Variants in PKP4 observed in about 807,000 individuals in gnomAD.
PKP4 encodes the protein plakophilin-4.
A neutral mutation model predicts 145.1 loss-of-function variants in PKP4; 90 were observed. That is an observed-to-expected ratio of 0.62 (90% CI 0.52 to 0.74). The LOEUF is 0.74. Ranked by LOEUF, PKP4 falls within the 30% of genes least tolerant of loss-of-function variation. The probability of loss-of-function intolerance (pLI) is 0.00; values close to 1 mark genes in which losing one functional copy is unlikely to be tolerated. For missense variants in PKP4, 1,340 were observed against 1,482.7 expected (o/e 0.90, Z 1.58); for synonymous variants, 563 against 577.2 (o/e 0.98, Z 0.35).
intron 11 of PKP4, among the ~76,000 whole-genome samples, chr2:158,655,011 T>A (rs1037109914): frequency 6.6e-6 from 1 of 152,146 alleles, no homozygotes; most frequent in African/African-American, 2.4e-5. Flanking sequence ...GTTCATCTTT[T>A]TTTAAAAAAA....
intron 15 of PKP4, 110 bp downstream of exon 15, chr2:158,663,555 C>T: frequency 4.4e-6 from 4 of 911,442 alleles, no homozygotes; most frequent in South Asian, 1.7e-5. Context: ...GTGAAAGGGT[C>T]ACAGCTACTT....
At chr2:158,465,728 A>G (rs1008259116) in intron 1 of PKP4, among the ~76,000 whole-genome samples, 6 of 152,208 alleles carry the variant, frequency 3.9e-5, no homozygotes, top group Non-Finnish European at 5.9e-5. Context: ...TGAATCTCAG[A>G]ATGATGCACT....
intron 11 of PKP4, among the ~76,000 whole-genome samples, chr2:158,647,288 A>T (rs1374572599): frequency 6.6e-6 from 1 of 152,226 alleles, no homozygotes; most frequent in African/African-American, 2.4e-5. Context: ...ACTTAGGATC[A>T]TGAGATGTTA....
At chr2:158,549,397 T>C (rs891242529) in intron 2 of PKP4, among the ~76,000 whole-genome samples, 33 of 152,290 alleles carry the variant, frequency 2.2e-4, no homozygotes, top group African/African-American at 7.5e-4. Flanking sequence ...CCTTTTAAAT[T>C]TTATTTATAA....
Position 158,509,505 on chromosome 2 carries a change from C to T in PKP4, c.-5-23675C>T, listed in dbSNP as rs190616196. Among the ~76,000 whole-genome samples, 623 of 152,236 alleles carry T rather than the reference C, an allele frequency of 4.1e-3. 13 individuals carry two copies. Among genetic ancestry groups the T allele is most frequent in the East Asian group, 1.9e-3 (10 of 5,190 alleles). ...CAGGTGATGTTTCAGTATATTGAGACATAAGACAATCAAGACTTTTTGAGA... is the reference window on the plus strand; with the variant it reads ...CAGGTGATGTTTCAGTATATTGAGATATAAGACAATCAAGACTTTTTGAGA... On this transcript the variant is annotated intron_variant, in intron 1 of 21. Transcript: ENST00000389759.
intron 1 of PKP4, among the ~76,000 whole-genome samples, chr2:158,512,753 TCA>T (rs2105532945): frequency 6.6e-6 from 1 of 152,350 alleles, no homozygotes; most frequent in East Asian, 1.9e-4. Flanking sequence ...CTCCCTAAAG[TCA>T]CATCACAGAA....
chr2:158,650,266 T>C (rs140962965), intron 11 of PKP4, among the ~76,000 whole-genome samples: 42 of 152,342 alleles, frequency 2.8e-4, no homozygotes, highest in African/African-American at 9.9e-4. Context: ...ATTTCTGAAT[T>C]GTAAGCTTAT....
At chr2:158,649,189 T>C (rs2055113545) in intron 11 of PKP4, among the ~76,000 whole-genome samples, 1 of 152,172 alleles carries the variant, frequency 6.6e-6, no homozygotes. Context: ...AGAAATCTCC[T>C]GTCTACCCCT....
chr2:158,616,556 G>A (rs544746432), intron 4 of PKP4, among the ~76,000 whole-genome samples: 10 of 152,266 alleles, frequency 6.6e-5, no homozygotes, highest in Admixed American at 2.6e-4. Context: ...GGAAGAAACC[G>A]TCAAGGAAGA....
At chr2:158,528,663 C>G (rs1487509796) in intron 1 of PKP4, among the ~76,000 whole-genome samples, 9 of 58,102 alleles carry the variant, frequency 1.5e-4, no homozygotes, top group Non-Finnish European at 3.1e-4. Flanking sequence ...AAGAAACTTA[C>G]TAAATGAAAA....
chr2:158,502,910 C>T (rs527869994), intron 1 of PKP4, among the ~76,000 whole-genome samples: 1 of 152,188 alleles, frequency 6.6e-6, no homozygotes, highest in Non-Finnish European at 1.5e-5. Flanking sequence ...GGACACAAAT[C>T]CTCGAGACTT....
At chr2:158,612,206 A>C (rs530187350) in intron 4 of PKP4, among the ~76,000 whole-genome samples, 1 of 152,286 alleles carries the variant, frequency 6.6e-6, no homozygotes, top group African/African-American at 2.4e-5. Context: ...ATGTCTAAGT[A>C]TCCACACACA....
At chr2:158,461,309 G>C (rs985436182) in intron 1 of PKP4, among the ~76,000 whole-genome samples, 5 of 152,220 alleles carry the variant, frequency 3.3e-5, no homozygotes, top group Non-Finnish European at 7.4e-5. Context: ...CTTCATCATT[G>C]ACCTGTTGTT....
chr2:158,648,084 A>G (rs1333312667), intron 11 of PKP4, among the ~76,000 whole-genome samples: 2 of 152,184 alleles, frequency 1.3e-5, no homozygotes, highest in Admixed American at 6.5e-5. Context: ...CCCAACTGTC[A>G]CACTTCTATT....
intron 13 of PKP4, 109 bp from the exon 14 acceptor site, chr2:158,662,788 G>A (rs2056723923): frequency 2.6e-6 from 2 of 765,616 alleles, no homozygotes; most frequent in Non-Finnish European, 4.0e-6. Flanking sequence ...TAAATAAAAA[G>A]TAGTTCTTTC....
chr2:158,652,980 G>C lies in PKP4; in HGVS notation c.1910-5151G>C, dbSNP rs141125722. On this transcript the variant is annotated intron_variant, in intron 11 of 21. Transcript: ENST00000389759. Reference sequence around the variant, plus strand: ...CGACTAAAACCAGAGCACTCAGAGCGAGGTTCACTCAAGAAGGAAAATGCA... The same window carrying C: ...CGACTAAAACCAGAGCACTCAGAGCCAGGTTCACTCAAGAAGGAAAATGCA... Among the ~76,000 whole-genome samples, 44 of 152,320 alleles carry C rather than the reference G, an allele frequency of 2.9e-4. 1 individual carries two copies. The highest frequency in any genetic ancestry group is 1.2e-3 in the Admixed American group (18 of 15,292).
rs2053404213 is a variant in PKP4 at position 158,631,939 on chromosome 2, C to T, written c.1340C>T (p.Ser447Leu). Reference sequence around the variant, plus strand: ...CAGACGGCGTTGTATCGCACAGGTTCAGGTGGGCATCAACTCTGTTTACTG... The same window carrying T: ...CAGACGGCGTTGTATCGCACAGGTTTAGGTGGGCATCAACTCTGTTTACTG... Reference protein sequence around the residue: ...GSQTALYRTGSVGIGNLQRTS... With the variant: ...GSQTALYRTGLVGIGNLQRTS... Residue 447 changes from serine to leucine, a missense_variant and splice_region_variant, in exon 8 of 22, where the codon TCA becomes TTA. Transcript: ENST00000389759. 2.5e-6 allele frequency: 4 copies of T among 1,613,144 alleles called. No homozygotes were observed. The highest frequency in any genetic ancestry group is 1.3e-5 in the African/African-American group (1 of 74,886).
chr2:158,673,746 G>A lies in PKP4; in HGVS notation c.2994G>A (p.Arg998=). 3 of 1,612,098 alleles carry A rather than the reference G, an allele frequency of 1.9e-6. No individual in the cohort carries two copies. The highest frequency in any genetic ancestry group is 2.5e-6 in the Non-Finnish European group (3 of 1,178,196). The change falls in exon 18 of 22, where the codon CGG becomes CGA. Residue 998 remains arginine (R), a synonymous_variant. Transcript: ENST00000389759. ...CATTATGGCAATATCGGGACCTCCG[G>A]AGCATTTATAAAAAGGTAACCTACA... The part of the protein sequence containing the change: ...LNTLWQYRDL[R]SIYKKDGWNQ...
At chr2:158,594,753 A>G (rs1352132521) in intron 3 of PKP4, among the ~76,000 whole-genome samples, 1 of 152,208 alleles carries the variant, frequency 6.6e-6, no homozygotes, top group East Asian at 1.9e-4. Flanking sequence ...GTTTCAAAAA[A>G]TATAGTTAAA....
Sources: allele counts gnomAD v4.1 joint callset (sites outside exome capture counted in the v4.1 genomes callset), GRCh38; gene constraint gnomAD v4.1.1; transcripts MANE v1.5; gene names NCBI Gene and HGNC (gene_info 2026-07-23, HGNC 2026-07-21).